FAR2: variants seen among roughly 807,000 people sequenced by gnomAD.
The protein encoded by FAR2 is fatty acyl-CoA reductase 2, also known as epididymis secretory protein Li 81.
A neutral mutation model predicts 56.0 loss-of-function variants in FAR2; 19 were observed. The ratio of observed to expected loss-of-function variants is 0.34; its 90% CI spans 0.24 to 0.50. FAR2 has a LOEUF of 0.50. Among genes scored for constraint, FAR2 ranks in the 20% least tolerant of loss-of-function variants. FAR2 has a pLI of 0.98. For synonymous variants in FAR2, 219 were observed against 218.8 expected (o/e 1.00, Z -0.01); for missense variants, 508 against 642.2 (o/e 0.79, Z 2.26).
At chr12:29,190,047 C>T (rs1316602517) in intron 1 of FAR2, among the ~76,000 whole-genome samples, 1 of 152,094 alleles carries the variant, frequency 6.6e-6, no homozygotes, top group Non-Finnish European at 1.5e-5. Context: ...GAAATGTGTG[C>T]ACTGTGATGC....
intron 1 of FAR2, among the ~76,000 whole-genome samples, chr12:29,170,628 ACTTT>A (rs1949875758): frequency 7.5e-6 from 1 of 132,496 alleles, no homozygotes; most frequent in Admixed American, 7.4e-5. Flanking sequence ...TCTCTCTTTG[ACTTT>A]CTGTCTCTCT....
chr12:29,324,670 A>C (rs1409161541), intron 10 of FAR2, among the ~76,000 whole-genome samples: 5 of 152,184 alleles, frequency 3.3e-5, no homozygotes, highest in African/African-American at 1.2e-4. Flanking sequence ...GTGAAGGAGA[A>C]ATAAAATACT....
intron 2 of FAR2, among the ~76,000 whole-genome samples, chr12:29,270,967 T>A (rs16934083): frequency 2.6e-5 from 4 of 152,208 alleles, no homozygotes; most frequent in Admixed American, 2.0e-4. Context: ...AATTTTCTTT[T>A]AAATTTAAGG....
chr12:29,167,696 G>A (rs1368066710), intron 1 of FAR2, among the ~76,000 whole-genome samples: 5 of 152,242 alleles, frequency 3.3e-5, no homozygotes, highest in East Asian at 1.9e-4. Context: ...ATGCCTCCAC[G>A]GAGTTGTCAT....
intron 10 of FAR2, among the ~76,000 whole-genome samples, chr12:29,330,211 G>A (rs892175231): frequency 3.3e-5 from 5 of 151,850 alleles, no homozygotes; most frequent in African/African-American, 7.3e-5. Context: ...CGCATGCCAC[G>A]ACGCCTGGCT....
intron 1 of FAR2, among the ~76,000 whole-genome samples, chr12:29,153,348 A>G (rs530900926): frequency 6.6e-6 from 1 of 152,226 alleles, no homozygotes; most frequent in African/African-American, 2.4e-5. Flanking sequence ...TAAAAAAAAA[A>G]TCAACAAAGA....
chr12:29,200,878 A>G (rs1194854781), intron 1 of FAR2, among the ~76,000 whole-genome samples: 15 of 152,210 alleles, frequency 9.9e-5, no homozygotes, highest in Admixed American at 9.8e-4. Flanking sequence ...GAGTCTGACT[A>G]GCTGATCAGG....
chr12:29,153,058 G>C (rs1949693805), intron 1 of FAR2, among the ~76,000 whole-genome samples: 1 of 152,228 alleles, frequency 6.6e-6, no homozygotes, highest in African/African-American at 2.4e-5. Context: ...CTTCATTCAT[G>C]TAATAAATAA....
At chr12:29,228,674 G>A (rs1947806667) in intron 1 of FAR2, among the ~76,000 whole-genome samples, 1 of 152,136 alleles carries the variant, frequency 6.6e-6, no homozygotes. Flanking sequence ...TGCAGTCTCT[G>A]CCTCCTGGGT....
rs1325064499 is a variant in FAR2, at chr12:29,154,124, C to A, written c.-39+4717C>A. 2.0e-5 allele frequency among the ~76,000 whole-genome samples: 3 copies of A among 152,240 alleles called. No homozygotes were observed. In the East Asian group the frequency reaches 5.8e-4, roughly 29 times the overall value. ...CATGACAGATATAGCTCCTGTCTTTCTGACTTGAGCACATAGATGGAATAT... is the reference window on the plus strand; with the variant it reads ...CATGACAGATATAGCTCCTGTCTTTATGACTTGAGCACATAGATGGAATAT... On this transcript the variant is annotated intron_variant, in intron 1 of 11. Transcript: ENST00000536681.
intron 1 of FAR2, among the ~76,000 whole-genome samples, chr12:29,251,768 C>T (rs907118313): frequency 9.2e-5 from 14 of 152,212 alleles, no homozygotes; most frequent in African/African-American, 3.4e-4. Flanking sequence ...GAGACCAATA[C>T]CACCATCACG....
intron 1 of FAR2, among the ~76,000 whole-genome samples, chr12:29,258,393 A>T (rs1043114479): frequency 6.6e-6 from 1 of 152,212 alleles, no homozygotes; most frequent in African/African-American, 2.4e-5. Context: ...TATGTAATAG[A>T]CATTACATAA....
At chr12:29,231,074 C>T (rs1368816944) in intron 1 of FAR2, among the ~76,000 whole-genome samples, 1 of 152,198 alleles carries the variant, frequency 6.6e-6, no homozygotes, top group Non-Finnish European at 1.5e-5. Context: ...ATCCTAAAAG[C>T]AACAGGAATC....
At chr12:29,233,992 T>A (rs1228723915) in intron 1 of FAR2, among the ~76,000 whole-genome samples, 1 of 152,202 alleles carries the variant, frequency 6.6e-6, no homozygotes, top group African/African-American at 2.4e-5. Context: ...TTCACTTAGT[T>A]CTTCTGCCCC....
intron 1 of FAR2, among the ~76,000 whole-genome samples, chr12:29,175,910 C>A (rs575706755): frequency 1.3e-5 from 2 of 152,262 alleles, no homozygotes; most frequent in East Asian, 1.9e-4. Context: ...CCCAGGAAGT[C>A]CAGCTGGCTT....
intron 1 of FAR2, among the ~76,000 whole-genome samples, chr12:29,235,517 T>C (rs1947926331): frequency 6.6e-6 from 1 of 152,100 alleles, no homozygotes; most frequent in African/African-American, 2.4e-5. Flanking sequence ...GAGTGGACAA[T>C]AAAGAGGCAC....
chr12:29,187,089 G>A (rs1459819081), intron 1 of FAR2, among the ~76,000 whole-genome samples: 1 of 152,016 alleles, frequency 6.6e-6, no homozygotes, highest in Non-Finnish European at 1.5e-5. Context: ...CGCCCGGCCC[G>A]GCTTAGTTCT....
intron 2 of FAR2, among the ~76,000 whole-genome samples, chr12:29,282,639 C>T (rs559110685): frequency 1.4e-4 from 22 of 152,052 alleles, no homozygotes; most frequent in Non-Finnish European, 2.9e-4. Context: ...AAAAATGTTA[C>T]CAGTTGGCCT....
chr12:29,151,994 G>C (rs920147397), intron 1 of FAR2: 2 of 152,210 alleles, frequency 1.3e-5, no homozygotes, highest in Non-Finnish European at 1.5e-5. Context: ...TGAAAAGACT[G>C]TAGAACCTTT....
Sources: gnomAD v4.1 joint callset for allele counts (sites outside exome capture counted in the v4.1 genomes callset) on GRCh38, gnomAD v4.1.1 for gene constraint, MANE v1.5 for transcripts, NCBI Gene and HGNC (gene_info 2026-07-23, HGNC 2026-07-21) for gene names.